The following FRAS1 variants were observed in gnomAD, a reference collection of about 807,000 sequenced individuals.
The protein encoded by FRAS1 is Fraser extracellular matrix complex subunit 1, also known as extracellular matrix organizing protein FRAS1.
Under a neutral mutation model 435.2 loss-of-function variants are expected in FRAS1, and 290 were observed. The observed-to-expected ratio is 0.67, with a 90% CI of 0.61 to 0.73. The LOEUF (loss-of-function observed/expected upper bound fraction) is 0.73. Ranked by LOEUF, FRAS1 falls within the 30% of genes least tolerant of loss-of-function variation. The pLI, the probability that FRAS1 is intolerant of heterozygous loss-of-function variation, is 0.00. For missense variants in FRAS1, 4,860 were observed against 5,001.5 expected (o/e 0.97, Z 0.85); for synonymous variants, 1,800 against 1,851.0 (o/e 0.97, Z 0.71).
intron 59 of FRAS1, among the ~76,000 whole-genome samples, chr4:78,491,672 T>C (rs890987845): frequency 6.6e-5 from 10 of 152,172 alleles, no homozygotes; most frequent in African/African-American, 2.4e-4. Flanking sequence ...AAGAGCTATT[T>C]ATGACAAACC....
chr4:78,192,629 C>T (rs1264939935), intron 2 of FRAS1, among the ~76,000 whole-genome samples: 4 of 152,156 alleles, frequency 2.6e-5, no homozygotes, highest in Admixed American at 2.6e-4. Context: ...TCCCCTTTGT[C>T]ATTTTTTAGT....
At chr4:78,308,257 C>T (rs1448718940) in intron 15 of FRAS1, 48 bp downstream of exon 15, 3 of 1,581,758 alleles carry the variant, frequency 1.9e-6, no homozygotes, top group African/African-American at 2.7e-5. Context: ...TTTTCTTTTC[C>T]AGCATCTCTT....
chr4:78,373,291 T>C (rs554459508), intron 24 of FRAS1, among the ~76,000 whole-genome samples: 15 of 152,046 alleles, frequency 9.9e-5, no homozygotes, highest in African/African-American at 3.4e-4. Context: ...GTATCCCTTT[T>C]AGCCTCAACT....
intron 2 of FRAS1, among the ~76,000 whole-genome samples, chr4:78,212,029 T>C (rs1266184427): frequency 6.6e-6 from 1 of 152,258 alleles, no homozygotes; most frequent in Non-Finnish European, 1.5e-5. Flanking sequence ...CAGAACTTCA[T>C]TTCTTTTTAT....
At chr4:78,152,607 C>CT (rs71214398) in intron 2 of FRAS1, among the ~76,000 whole-genome samples, 30,552 of 72,442 alleles carry the variant, frequency 0.42, 6,668 homozygotes, top group South Asian at 0.56. Flanking sequence ...ATGTAGGCTG[C>CT]TTTTTTTTTT....
chr4:78,161,812 A>T lies in FRAS1; in HGVS notation c.109-75698A>T, dbSNP rs184108505. ...AGAAAGTGCTCTCCTACAAAATCCT[A>T]ACTTCTGAAATTTCATCTAGTGCCT... On this transcript the variant is annotated intron_variant, in intron 2 of 73. Transcript: ENST00000512123. Among the ~76,000 whole-genome samples the T allele has an allele frequency of 4.6e-5, 7 of 151,288 alleles. No individual in the cohort carries two copies. In the South Asian group the frequency reaches 8.4e-4, roughly 18 times the overall value.
intron 20 of FRAS1, among the ~76,000 whole-genome samples, chr4:78,340,295 G>A (rs1336285483): frequency 6.6e-6 from 1 of 152,130 alleles, no homozygotes. Flanking sequence ...TTTAAATGAG[G>A]TAACCATTGT....
chr4:78,509,314 G>A (rs35520641), intron 63 of FRAS1, among the ~76,000 whole-genome samples: 49,439 of 152,028 alleles, frequency 0.33, 8,699 homozygotes, highest in South Asian at 0.52. Context: ...TCTTTTGCTT[G>A]GCTACTTGAC....
chr4:78,120,092 A>G (rs1405326560), intron 2 of FRAS1, among the ~76,000 whole-genome samples: 4 of 152,190 alleles, frequency 2.6e-5, no homozygotes, highest in African/African-American at 9.7e-5. Flanking sequence ...GATGTTTATC[A>G]TATTGTTCTG....
intron 2 of FRAS1, among the ~76,000 whole-genome samples, chr4:78,176,225 A>T (rs911150764): frequency 6.6e-6 from 1 of 152,224 alleles, no homozygotes; most frequent in African/African-American, 2.4e-5. Context: ...CAATTTAAGA[A>T]AAAGGACTGA....
At chr4:78,337,327 G>A (rs1016295939) in intron 19 of FRAS1, among the ~76,000 whole-genome samples, 1 of 152,112 alleles carries the variant, frequency 6.6e-6, no homozygotes, top group East Asian at 1.9e-4. Context: ...TGGTATGTTA[G>A]GGTCAGGGAG....
chr4:78,519,258 C>T, intron 66 of FRAS1, 73 bp from the exon 67 acceptor site: 2 of 1,336,536 alleles, frequency 1.5e-6, no homozygotes, highest in Non-Finnish European at 2.0e-6. Flanking sequence ...AAAATGGAAC[C>T]AAGATGTGGT....
chr4:78,308,359 A>G lies in FRAS1; in HGVS notation c.1678+150A>G, dbSNP rs557342786. Reference sequence around the variant, plus strand: ...AGATTAATCTTTGATTTAGATGTGCATAACACACTTTCCATCAGTGGTATT... The same window carrying G: ...AGATTAATCTTTGATTTAGATGTGCGTAACACACTTTCCATCAGTGGTATT... On this transcript the variant is annotated intron_variant, in intron 15 of 73. Coordinates refer to ENST00000512123, the MANE Select transcript of FRAS1 (RefSeq NM_025074.7). The G allele has an allele frequency of 7.2e-5, 63 of 871,956 alleles. No individual in the cohort carries two copies. The Middle Eastern group carries it at 2.6e-3, about 35-fold the overall frequency. 54.0% of individuals were successfully genotyped at this position (871,956 alleles called of 1,614,324 possible). A position where few individuals can be genotyped will look rare whatever the true frequency, so the allele number is the denominator to read the frequency against.
intron 61 of FRAS1, among the ~76,000 whole-genome samples, chr4:78,504,215 G>A (rs922811298): frequency 6.6e-6 from 1 of 152,216 alleles, no homozygotes; most frequent in African/African-American, 2.4e-5. Flanking sequence ...GGAGAGTTCT[G>A]TAGCTGTCTA....
intron 64 of FRAS1, among the ~76,000 whole-genome samples, chr4:78,512,154 C>T (rs538232118): frequency 6.6e-6 from 1 of 152,012 alleles, no homozygotes; most frequent in African/African-American, 2.4e-5. Context: ...TCTGGGCCAC[C>T]ATGATGGGAA....
intron 13 of FRAS1, chr4:78,286,170 C>T (rs1560627780): frequency 4.7e-6 from 3 of 639,308 alleles, no homozygotes; most frequent in Non-Finnish European, 8.7e-6. Context: ...TTAATAATAT[C>T]TACCTCCTAG....
At position 78,337,773 on chromosome 4, in the gene FRAS1, G is replaced by T; in HGVS notation, c.2378G>T (p.Ser793Ile). ...CTTACCAATGGTAACTGCAGGACCA[G>T]CTGCAGGGAAGAGCAGTTCCTCAAC... ...ISLTNGNCRT[S>I]CREEQFLNLV... is the part of the protein sequence containing the mutation. The change falls in exon 20 of 74, where the codon AGC becomes ATC. Residue 793 changes from serine to isoleucine, a missense_variant. Physicochemically the swap from Ser to Ile is moderately radical, Grantham distance 142 (BLOSUM62 -2). Coordinates refer to ENST00000512123, the MANE Select transcript of FRAS1 (RefSeq NM_025074.7). 1 of 1,613,910 alleles carries T rather than the reference G, an allele frequency of 6.2e-7. No homozygotes were observed. Among genetic ancestry groups the T allele is most frequent in the Non-Finnish European group, 8.5e-7 (1 of 1,179,814 alleles).
intron 2 of FRAS1, among the ~76,000 whole-genome samples, chr4:78,137,639 G>A (rs981849329): frequency 6.6e-6 from 1 of 152,246 alleles, no homozygotes; most frequent in Non-Finnish European, 1.5e-5. Flanking sequence ...CATCTGGTAA[G>A]TCATCTTGGC....
intron 2 of FRAS1, among the ~76,000 whole-genome samples, chr4:78,129,524 C>G (rs1448465824): frequency 7.3e-6 from 1 of 137,324 alleles, no homozygotes; most frequent in Non-Finnish European, 1.5e-5. Flanking sequence ...AGAACTAAGA[C>G]TTGCACATGC....
Sources: allele counts gnomAD v4.1 joint callset (sites outside exome capture counted in the v4.1 genomes callset), GRCh38; gene constraint gnomAD v4.1.1; transcripts MANE v1.5; gene names NCBI Gene and HGNC (gene_info 2026-07-23, HGNC 2026-07-21).